Variants in PCDH15 observed in about 807,000 individuals in gnomAD.
PCDH15 encodes the protein protocadherin related 15, also known as protocadherin-15.
A neutral mutation model predicts 178.5 loss-of-function variants in PCDH15; 129 were observed. The ratio of observed to expected loss-of-function variants is 0.72; its 90% CI spans 0.63 to 0.84. PCDH15 has a LOEUF of 0.84. PCDH15 is among the 40% of genes least tolerant of loss of function. The probability of loss-of-function intolerance (pLI) is 0.00; values close to 1 mark genes in which losing one functional copy is unlikely to be tolerated. For synonymous variants in PCDH15, 800 were observed against 732.0 expected (o/e 1.09, Z -1.50); for missense variants, 2,230 against 2,099.9 (o/e 1.06, Z -1.21).
intron 2 of PCDH15, among the ~76,000 whole-genome samples, chr10:55,572,779 G>A (rs769495042): frequency 3.3e-5 from 5 of 152,016 alleles, no homozygotes. Flanking sequence ...CAAGGTAAAA[G>A]GCATGCTGAT....
At chr10:53,888,233 T>C (rs1177545788) in intron 26 of PCDH15, among the ~76,000 whole-genome samples, 1 of 146,974 alleles carries the variant, frequency 6.8e-6, no homozygotes, top group South Asian at 2.1e-4. Context: ...GCTGACATTC[T>C]CTTTAAATAT....
At chr10:53,873,214 C>G (rs146677355) in intron 26 of PCDH15, among the ~76,000 whole-genome samples, 85 of 152,218 alleles carry the variant, frequency 5.6e-4, no homozygotes, top group African/African-American at 2.0e-3. Context: ...ATGCCTTAAC[C>G]GCAGCCAGAT....
At chr10:54,357,350 G>A (rs1945187330) in intron 5 of PCDH15, among the ~76,000 whole-genome samples, 1 of 152,090 alleles carries the variant, frequency 6.6e-6, no homozygotes, top group Admixed American at 6.6e-5. Context: ...AAAATCACAA[G>A]CATTCTTATA....
intron 2 of PCDH15, among the ~76,000 whole-genome samples, chr10:55,353,679 C>T (rs1052097422): frequency 6.6e-6 from 1 of 151,978 alleles, no homozygotes; most frequent in Non-Finnish European, 1.5e-5. Context: ...GCAGATGCAA[C>T]CTGACTGAGT....
At chr10:54,321,368 T>C (rs924005456) in intron 7 of PCDH15, among the ~76,000 whole-genome samples, 13 of 150,022 alleles carry the variant, frequency 8.7e-5, no homozygotes, top group Admixed American at 2.0e-4. Context: ...TTTAAAAGAT[T>C]GAATTAATCT....
chr10:55,415,719 T>G (rs989927380), intron 2 of PCDH15, among the ~76,000 whole-genome samples: 1 of 151,676 alleles, frequency 6.6e-6, no homozygotes, highest in Non-Finnish European at 1.5e-5. Context: ...TGTTTTCATA[T>G]GTACTCTCAA....
At chr10:54,492,317 G>A (rs1205506303) in intron 3 of PCDH15, among the ~76,000 whole-genome samples, 1 of 152,310 alleles carries the variant, frequency 6.6e-6, no homozygotes, top group Admixed American at 6.5e-5. Flanking sequence ...ACGCTCAGCT[G>A]TCTGAGGCAA....
intron 1 of PCDH15, among the ~76,000 whole-genome samples, chr10:54,756,379 G>C (rs145075818): frequency 6.6e-6 from 1 of 152,152 alleles, no homozygotes; most frequent in Non-Finnish European, 1.5e-5. Context: ...GAGCCCATCA[G>C]TCATTTTTTT....
chr10:53,915,857 C>T (rs10825163), intron 25 of PCDH15, among the ~76,000 whole-genome samples: 77,753 of 151,916 alleles, frequency 0.51, 21,750 homozygotes, highest in Middle Eastern at 0.69. Flanking sequence ...GTGCCCGGCC[C>T]GTATTTGTAT....
intron 8 of PCDH15, among the ~76,000 whole-genome samples, chr10:54,307,393 A>G (rs898648632): frequency 6.6e-5 from 10 of 151,564 alleles, no homozygotes; most frequent in African/African-American, 2.4e-4. Flanking sequence ...TAGGGCGAAG[A>G]AGTCCTATGT....
intron 28 of PCDH15, among the ~76,000 whole-genome samples, chr10:53,847,509 A>C (rs1035954806): frequency 3.3e-5 from 5 of 152,166 alleles, no homozygotes; most frequent in African/African-American, 1.2e-4. Context: ...GATGCCATGG[A>C]GCATTTTGTT....
chr10:54,337,474 G>A (rs2105342), intron 6 of PCDH15, among the ~76,000 whole-genome samples: 10,717 of 152,138 alleles, frequency 0.07, 490 homozygotes, highest in African/African-American at 0.12. Context: ...CCCCAGCCAC[G>A]TGGAACTGTG....
chr10:54,203,109 C>G (rs115707041), intron 10 of PCDH15, among the ~76,000 whole-genome samples: 1,578 of 152,216 alleles, frequency 0.01, 35 homozygotes, highest in African/African-American at 0.036. Context: ...CCAGATAATA[C>G]AGTGCATCCA....
At chr10:54,304,197 G>T (rs901488636) in intron 8 of PCDH15, among the ~76,000 whole-genome samples, 1 of 151,984 alleles carries the variant, frequency 6.6e-6, no homozygotes, top group Non-Finnish European at 1.5e-5. Flanking sequence ...CCATATCATT[G>T]TTTCCCGTTA....
chr10:53,840,170 A>C, intron 29 of PCDH15, 150 bp downstream of exon 29: 2 of 906,990 alleles, frequency 2.2e-6, no homozygotes, highest in East Asian at 3.1e-5. Flanking sequence ...AGGCATGAGA[A>C]TCCTAGGTAT....
chr10:55,118,604 T>C (rs1837684253), intron 2 of PCDH15, among the ~76,000 whole-genome samples: 1 of 152,150 alleles, frequency 6.6e-6, no homozygotes, highest in Non-Finnish European at 1.5e-5. Context: ...CAAGAAGAGG[T>C]TGAAAACCAC....
At chr10:54,254,743 G>A (rs2056769481) in intron 8 of PCDH15, among the ~76,000 whole-genome samples, 1 of 152,158 alleles carries the variant, frequency 6.6e-6, no homozygotes, top group African/African-American at 2.4e-5. Flanking sequence ...TGTAGTAGAG[G>A]TGACTACTTT....
chr10:54,110,527 G>GT (rs1564442701), intron 15 of PCDH15, among the ~76,000 whole-genome samples: 1 of 152,068 alleles, frequency 6.6e-6, no homozygotes, highest in African/African-American at 2.4e-5. Flanking sequence ...GCACACAGTG[G>GT]TTAAATTAGG....
At chr10:55,349,093 A>G (rs1844840041) in intron 2 of PCDH15, among the ~76,000 whole-genome samples, 1 of 152,126 alleles carries the variant, frequency 6.6e-6, no homozygotes, top group Non-Finnish European at 1.5e-5. Flanking sequence ...TATTGGGTCT[A>G]TTGAGAATGA....
Sources: allele counts gnomAD v4.1 joint callset (sites outside exome capture counted in the v4.1 genomes callset), GRCh38; gene constraint gnomAD v4.1.1; transcripts MANE v1.5; gene names NCBI Gene and HGNC (gene_info 2026-07-23, HGNC 2026-07-21).